NSUN3: variants seen among roughly 807,000 people sequenced by gnomAD.
The protein encoded by NSUN3 is NOP2/Sun RNA methyltransferase 3, also known as tRNA (cytosine(34)-C(5))-methyltransferase, mitochondrial.
NSUN3 carries 24 observed loss-of-function variants against 36.8 expected under a neutral mutation model. That is an observed-to-expected ratio of 0.65 (90% CI 0.47 to 0.92). NSUN3 has a LOEUF of 0.92. Ranked by LOEUF, NSUN3 falls within the 40% of genes least tolerant of loss-of-function variation. The pLI, the probability that NSUN3 is intolerant of heterozygous loss-of-function variation, is 0.00. For missense variants in NSUN3, 381 were observed against 392.8 expected (o/e 0.97, Z 0.25); for synonymous variants, 146 against 145.2 (o/e 1.01, Z -0.04).
At chr3:94,092,645 T>A (rs2077320269) in intron 3 of NSUN3, among the ~76,000 whole-genome samples, 1 of 151,918 alleles carries the variant, frequency 6.6e-6, no homozygotes, top group East Asian at 1.9e-4. Context: ...GGCTCATGTC[T>A]GTAATCCCAG....
intron 5 of NSUN3, among the ~76,000 whole-genome samples, chr3:94,118,753 CA>C (rs1255701444): frequency 6.6e-6 from 1 of 151,548 alleles, no homozygotes; most frequent in Non-Finnish European, 1.5e-5. Flanking sequence ...ATAGAGAACC[CA>C]ACCTGTCTTT....
In NSUN3 at chr3:94,126,678, C is replaced by G. The variant is rs2077487889; in HGVS notation, c.*188C>G. 5.4e-6 allele frequency: 3 copies of G among 551,428 alleles called. No homozygotes were observed. In the South Asian group the frequency reaches 8.1e-5, roughly 15 times the overall value. 34.2% of individuals were successfully genotyped at this position (551,428 alleles called of 1,614,324 possible). A position where few individuals can be genotyped will look rare whatever the true frequency, so the allele number is the denominator to read the frequency against. ...GTGTATTTTTTTCCTAGAAATATATCTGTAACAATGATTTAAGGTGGTGCA... is the reference window on the plus strand; with the variant it reads ...GTGTATTTTTTTCCTAGAAATATATGTGTAACAATGATTTAAGGTGGTGCA... On this transcript the variant is annotated 3_prime_UTR_variant, in exon 6 of 6. Coordinates refer to ENST00000314622, the MANE Select transcript of NSUN3 (RefSeq NM_022072.5).
chr3:94,102,537 A>G, intron 5 of NSUN3, among the ~76,000 whole-genome samples: 1 of 152,196 alleles, frequency 6.6e-6, no homozygotes, highest in East Asian at 1.9e-4. Flanking sequence ...ACTACTAATA[A>G]TTATTTTCTT....
intron 5 of NSUN3, among the ~76,000 whole-genome samples, chr3:94,099,082 C>G (rs1291976645): frequency 6.6e-6 from 1 of 152,052 alleles, no homozygotes; most frequent in African/African-American, 2.4e-5. Context: ...GAATTTATAG[C>G]TGTAATTAAA....
intron 3 of NSUN3, among the ~76,000 whole-genome samples, chr3:94,090,411 T>C (rs144828687): frequency 2.3e-4 from 35 of 152,290 alleles, no homozygotes; most frequent in Non-Finnish European, 4.9e-4. Flanking sequence ...GACTTGAGAA[T>C]CTTGACTCAG....
chr3:94,103,920 G>A (rs1252860381), intron 5 of NSUN3, among the ~76,000 whole-genome samples: 3 of 152,172 alleles, frequency 2.0e-5, no homozygotes, highest in African/African-American at 7.2e-5. Context: ...ATACTCCTAA[G>A]GAAAGAAAGA....
intron 4 of NSUN3, 125 bp from the exon 5 acceptor site, chr3:94,094,908 A>T: frequency 1.0e-6 from 1 of 998,250 alleles, no homozygotes; most frequent in Non-Finnish European, 1.5e-6. Flanking sequence ...ATTTTCAGTT[A>T]AAAAAGAAAT....
chr3:94,094,011 G>A, intron 3 of NSUN3, 129 bp from the exon 4 acceptor site: 1 of 662,338 alleles, frequency 1.5e-6, no homozygotes, highest in Non-Finnish European at 2.5e-6. Flanking sequence ...AAATAATAAT[G>A]TTTACCTCTG....
At chr3:94,102,866 A>G (rs569846704) in intron 5 of NSUN3, among the ~76,000 whole-genome samples, 11 of 152,068 alleles carry the variant, frequency 7.2e-5, no homozygotes, top group African/African-American at 2.4e-4. Flanking sequence ...TACATTATCT[A>G]CTTTTTAAAA....
At chr3:94,086,835 T>C (rs546084901) in intron 3 of NSUN3, among the ~76,000 whole-genome samples, 1 of 152,370 alleles carries the variant, frequency 6.6e-6, no homozygotes, top group Admixed American at 6.5e-5. Flanking sequence ...ACTTCTACTC[T>C]ATGTCCTTTG....
At chr3:94,091,951 G>T (rs561247617) in intron 3 of NSUN3, among the ~76,000 whole-genome samples, 1 of 152,296 alleles carries the variant, frequency 6.6e-6, no homozygotes, top group South Asian at 2.1e-4. Flanking sequence ...CCTAGCAAAG[G>T]CTCATGCCAT....
chr3:94,112,445 G>A (rs2077421646), intron 5 of NSUN3, among the ~76,000 whole-genome samples: 1 of 152,124 alleles, frequency 6.6e-6, no homozygotes, highest in African/African-American at 2.4e-5. Flanking sequence ...TAATATAACG[G>A]AGAGAGAAAG....
chr3:94,106,126 A>G (rs923913508), intron 5 of NSUN3, among the ~76,000 whole-genome samples: 1 of 152,192 alleles, frequency 6.6e-6, no homozygotes, highest in African/African-American at 2.4e-5. Context: ...AATGGAAACC[A>G]ATAATAAATA....
chr3:94,081,016 T>C (rs1375634972), intron 2 of NSUN3, among the ~76,000 whole-genome samples: 3 of 152,178 alleles, frequency 2.0e-5, no homozygotes, highest in African/African-American at 7.2e-5. Context: ...AATTTTGTGC[T>C]TGAAACCCAG....
chr3:94,092,363 T>TC (rs2077318790), intron 3 of NSUN3, among the ~76,000 whole-genome samples: 1 of 152,184 alleles, frequency 6.6e-6, no homozygotes, highest in South Asian at 2.1e-4. Flanking sequence ...CTTCCTTTTT[T>TC]CTCTCACTTT....
At chr3:94,086,489 T>TG (rs2077293452) in intron 3 of NSUN3, among the ~76,000 whole-genome samples, 1 of 152,212 alleles carries the variant, frequency 6.6e-6, no homozygotes, top group African/African-American at 2.4e-5. Flanking sequence ...CTTAGAACAT[T>TG]GGTGTGTATC....
intron 1 of NSUN3, 84 bp downstream of exon 1, chr3:94,063,222 A>G (rs1280213179): frequency 9.9e-6 from 13 of 1,311,160 alleles, no homozygotes; most frequent in Non-Finnish European, 1.3e-5. Flanking sequence ...GGGTGCTGGG[A>G]TGGGGGAACA....
intron 3 of NSUN3, chr3:94,085,037 T>C (rs1004345329): frequency 2.0e-5 from 3 of 152,162 alleles, no homozygotes; most frequent in African/African-American, 7.2e-5. Context: ...CATTCTCTCT[T>C]TTTTTTACAG....
intron 5 of NSUN3, among the ~76,000 whole-genome samples, chr3:94,115,554 G>A (rs540249373): frequency 4.2e-4 from 64 of 152,264 alleles, no homozygotes; most frequent in South Asian, 4.1e-4. Context: ...GCGAGACAGC[G>A]ATTGTGACTT....
Sources: allele counts gnomAD v4.1 joint callset (sites outside exome capture counted in the v4.1 genomes callset), GRCh38; gene constraint gnomAD v4.1.1; transcripts MANE v1.5; gene names NCBI Gene and HGNC (gene_info 2026-07-23, HGNC 2026-07-21).